DOT1L: variants seen among roughly 807,000 people sequenced by gnomAD.
DOT1L encodes histone-lysine N-methyltransferase, H3 lysine-79 specific.
DOT1L carries 33 observed loss-of-function variants against 153.3 expected under a neutral mutation model. That is an observed-to-expected ratio of 0.22 (90% CI 0.16 to 0.29). The LOEUF is 0.29. Ranked by LOEUF, DOT1L falls within the 10% of genes least tolerant of loss-of-function variation. DOT1L has a pLI of 1.00. For missense variants in DOT1L, 1,847 were observed against 2,119.9 expected, an observed-to-expected ratio of 0.87 and a Z score of 2.53; for synonymous variants, 1,135 against 965.1, an observed-to-expected ratio of 1.18 and a Z score of -3.26.
Position 2,222,073 on chromosome 19 carries a change from C to T in DOT1L, c.2904C>T (p.Ser968=). ...PGAEPATLDE[S]SSSGSLFATV... is the part of the protein sequence containing the mutation. ...CCGAGCCGGCCACCTTGGATGAGTC[C>T]TCCAGCTCTGGGAGCCTTTTTGCCA... The change falls in exon 24 of 28, where the codon TCC becomes TCT. Residue 968 remains serine, a synonymous_variant. Coordinates refer to ENST00000398665, the MANE Select transcript of DOT1L (RefSeq NM_032482.3). The surrounding 1 kb of genome is among the most constrained non-coding windows in gnomAD (Gnocchi z 6.5). The T allele has an allele frequency of 6.2e-7, 1 of 1,613,438 alleles. No individual in the cohort carries two copies. Among genetic ancestry groups the T allele is most frequent in the Non-Finnish European group, 8.5e-7 (1 of 1,179,916 alleles).
intron 19 of DOT1L, among the ~76,000 whole-genome samples, chr19:2,215,008 G>A (rs145355070): frequency 2.0e-5 from 3 of 152,290 alleles, no homozygotes; most frequent in African/African-American, 7.2e-5. Flanking sequence ...CTGAGGCTAG[G>A]AGTTGGAGAA....
chr19:2,169,735 C>T (rs1382074082), intron 1 of DOT1L, among the ~76,000 whole-genome samples: 1 of 152,222 alleles, frequency 6.6e-6, no homozygotes, highest in African/African-American at 2.4e-5. Context: ...AGCCTGTGCT[C>T]CCAGGTTGCA....
chr19:2,212,066 G>A, intron 16 of DOT1L: 2 of 537,558 alleles, frequency 3.7e-6, no homozygotes, highest in Non-Finnish European at 3.3e-6. Context: ...GGTTTTGCAA[G>A]ACCTGGTGTC....
At chr19:2,174,171 C>A (rs780092772) in intron 1 of DOT1L, among the ~76,000 whole-genome samples, 4 of 152,226 alleles carry the variant, frequency 2.6e-5, no homozygotes, top group Non-Finnish European at 5.9e-5. Context: ...CAGCTGAAGC[C>A]TTGTCAGCCA....
chr19:2,225,956 C>A (rs755551485), intron 26 of DOT1L, among the ~76,000 whole-genome samples: 9 of 152,206 alleles, frequency 5.9e-5, no homozygotes, highest in Non-Finnish European at 8.8e-5. Context: ...CAGTCCCGTC[C>A]CCTGCCATCT....
rs569211741 is a variant in DOT1L, at chr19:2,214,318, C to T, written c.1798-153C>T. 160 of 1,317,604 alleles carry T rather than the reference C, an allele frequency of 1.2e-4. No homozygotes were observed. The East Asian group carries it at 2.3e-3, about 19-fold the overall frequency. 81.6% of individuals were successfully genotyped at this position (1,317,604 alleles called of 1,614,324 possible). The stretch of plus-strand genomic sequence containing the variant: ...GGGGGGCCCCAGTCTCCGCGTGTTC[C>T]GCATCCTCAGCCTGCTATTCCAGAA... On this transcript the variant is annotated intron_variant, in intron 18 of 27. Transcript: ENST00000398665.
rs1451687150 is a variant in DOT1L, at chr19:2,191,255, C to T, written c.493+15C>T. The T allele has an allele frequency of 6.8e-6, 11 of 1,612,182 alleles. No individual in the cohort carries two copies. Among genetic ancestry groups the T allele is most frequent in the Non-Finnish European group, 9.3e-6 (11 of 1,178,990 alleles). ...CTTGGGGAGCGGTGAGTGTCGCCCG[C>T]CATGCCCGGCTCCTGTGCACTTCCA... is the stretch of plus-strand genomic sequence containing the variant. On this transcript the variant is annotated intron_variant, in intron 5 of 27. Coordinates refer to ENST00000398665, the MANE Select transcript of DOT1L (RefSeq NM_032482.3). This position sits in a 1 kb window ranked among gnomAD's most constrained non-coding sequence, Gnocchi z 6.8.
At chr19:2,166,862 G>A (rs867772660) in intron 1 of DOT1L, among the ~76,000 whole-genome samples, 2 of 152,110 alleles carry the variant, frequency 1.3e-5, no homozygotes, top group African/African-American at 2.4e-5. Context: ...TCCCTGCGGC[G>A]CCCCCATCCT....
chr19:2,200,959 GCATTCCTCGTCCTCCCCT>G (rs1568348288), intron 8 of DOT1L, among the ~76,000 whole-genome samples: 3 of 104,516 alleles, frequency 2.9e-5, no homozygotes, highest in South Asian at 3.4e-4. Context: ...CGTCCTCCCC[GCATTCCTCGTCCTCCCCT>G]CATTCCTCGT....
intron 12 of DOT1L, 68 bp from the exon 13 acceptor site, chr19:2,210,332 G>C: frequency 7.4e-7 from 1 of 1,352,850 alleles, no homozygotes; most frequent in South Asian, 1.5e-5. Context: ...AGCTCCGCGT[G>C]CCTCTCGGTG....
rs776805975 is a variant in DOT1L, at chr19:2,216,585, T to C, written c.2228T>C (p.Leu743Pro). 3.1e-6 allele frequency: 5 copies of C among 1,608,532 alleles called. No individual in the cohort carries two copies. Among genetic ancestry groups the C allele is most frequent in the Admixed American group, 1.7e-5 (1 of 60,024 alleles). ...QNTPQYLASP[L>P]DQEVVPCTPS... is the part of the protein sequence containing the mutation. Reference sequence around the variant, plus strand: ...ACGCCCCAGTACCTGGCCTCACCCCTGGACCAGGAGGTGGTGCCCTGTACC... The same window carrying C: ...ACGCCCCAGTACCTGGCCTCACCCCCGGACCAGGAGGTGGTGCCCTGTACC... Residue 743 changes from leucine to proline, a missense_variant, in exon 20 of 28, where the codon CTG (leucine) becomes CCG (proline). This residue lies in a region of DOT1L where 281 missense variants were observed against 263.6 expected (regional missense o/e 1.07). Transcript: ENST00000398665.
chr19:2,208,531 C>T lies in DOT1L; in HGVS notation c.964-404C>T, dbSNP rs539068775. On this transcript the variant is annotated intron_variant, in intron 11 of 27. Coordinates refer to ENST00000398665, the MANE Select transcript of DOT1L (RefSeq NM_032482.3). The surrounding 1 kb of genome is among the most constrained non-coding windows in gnomAD (Gnocchi z 4.4). ...TCTGGGGGCTTGGCCTACCGTGCGG[C>T]CCCCACCTCCACGCAGTGCTGCTGC... is the stretch of plus-strand genomic sequence containing the variant. Among the ~76,000 whole-genome samples the T allele has an allele frequency of 1.6e-4, 25 of 152,156 alleles. No homozygotes were observed. The highest frequency in any genetic ancestry group is 3.4e-4 in the Non-Finnish European group (23 of 68,020).
In DOT1L at chr19:2,216,009, T is replaced by G; in HGVS notation, c.1924-272T>G. 3 of 435,850 alleles carry G rather than the reference T, an allele frequency of 6.9e-6. No homozygotes were observed. In the South Asian group the frequency reaches 1.1e-4, roughly 16 times the overall value. The allele number at this position is 435,850 out of a possible 1,614,324, so 27.0% of individuals were successfully genotyped here. A position where few individuals can be genotyped will look rare whatever the true frequency, so the allele number is the denominator to read the frequency against. ...GGATGTTTTACACTTAGAGTCTATT[T>G]TGAGAGACGAGAGCTCTTTGTATCT... On this transcript the variant is annotated intron_variant, in intron 19 of 27. Transcript: ENST00000398665.
At position 2,216,626 on chromosome 19, in the gene DOT1L, C is replaced by T. The variant is rs374448963; in HGVS notation, c.2269C>T (p.Arg757Trp). The change falls in exon 20 of 28, where the codon CGG (arginine) becomes TGG (tryptophan). Residue 757 changes from arginine to tryptophan, a missense_variant. Transcript: ENST00000398665. Reference sequence around the variant, plus strand: ...GCCCTGTACCCCTAGCCACGTCGGCCGGCCGCGCCTGGAGAAGCTGTCTGG... The same window carrying T: ...GCCCTGTACCCCTAGCCACGTCGGCTGGCCGCGCCTGGAGAAGCTGTCTGG... ...VVPCTPSHVG[R>W]PRLEKLSGLA... is the part of the protein sequence containing the mutation. 37 of 1,605,884 alleles carry T rather than the reference C, an allele frequency of 2.3e-5. No individual in the cohort carries two copies. The Admixed American group carries it at 3.8e-4, about 17-fold the overall frequency.
At chr19:2,189,710 G>T in intron 3 of DOT1L, 22 bp from the exon 4 acceptor site, 1 of 1,608,448 alleles carries the variant, frequency 6.2e-7, no homozygotes. Context: ...GCATGACCAG[G>T]GCCTTCCCTT....
In DOT1L at chr19:2,193,087, T is replaced by G. The variant is rs2022867173; in HGVS notation, c.494-602T>G. 2.0e-5 allele frequency among the ~76,000 whole-genome samples: 3 copies of G among 152,206 alleles called. No individual in the cohort carries two copies. Among genetic ancestry groups the G allele is most frequent in the Admixed American group, 2.0e-4 (3 of 15,284 alleles). On this transcript the variant is annotated intron_variant, in intron 5 of 27. Transcript: ENST00000398665. The surrounding 1 kb of genome is among the most constrained non-coding windows in gnomAD (Gnocchi z 5.9). ...GTGTGCGCCGCTGCCTCCACCCTCC[T>G]GACGCTGGCGTATCTGCAGCCCCTG...
At chr19:2,194,130 A>G (rs2022914436) in intron 6 of DOT1L, among the ~76,000 whole-genome samples, 2 of 151,572 alleles carry the variant, frequency 1.3e-5, no homozygotes, top group Admixed American at 1.3e-4. Context: ...AGGCAGGCGC[A>G]TTGAGGCCCT....
intron 25 of DOT1L, among the ~76,000 whole-genome samples, chr19:2,224,542 A>G (rs1337035407): frequency 1.4e-5 from 2 of 143,088 alleles, no homozygotes; most frequent in Non-Finnish European, 3.0e-5. Context: ...ATCTCGGCTC[A>G]CTGACCCTCC....
At position 2,222,501 on chromosome 19, in the gene DOT1L, C is replaced by G. The variant is rs747259094; in HGVS notation, c.3332C>G (p.Pro1111Arg). Reference protein sequence around the residue: ...AGVSPKRRALPSVAGLFTQPS... With the variant: ...AGVSPKRRALRSVAGLFTQPS... ...GTGTCCCCCAAGCGCCGAGCCCTGC[C>G]GTCCGTCGCTGGCCTTTTCACACAG... Residue 1111 changes from proline (P) to arginine (R), a missense_variant, in exon 24 of 28, where the codon CCG (proline) becomes CGG (arginine). Physicochemically the swap from Pro to Arg is moderately radical, Grantham distance 103. This residue lies in a region of DOT1L where 934 missense variants were observed against 825.3 expected (regional missense o/e 1.13). Transcript: ENST00000398665. This position sits in a 1 kb window ranked among gnomAD's most constrained non-coding sequence, Gnocchi z 6.5. The G allele has an allele frequency of 6.3e-7, 1 of 1,583,346 alleles. No homozygotes were observed. Among genetic ancestry groups the G allele is most frequent in the Non-Finnish European group, 8.6e-7 (1 of 1,168,202 alleles).
Sources: gnomAD v4.1 joint callset for allele counts (sites outside exome capture counted in the v4.1 genomes callset) on GRCh38, gnomAD v4.1.1 for gene constraint, gnomAD v4.1.1 regional missense constraint, Gnocchi (gnomAD v3.1) non-coding constraint, MANE v1.5 for transcripts, NCBI Gene and HGNC (gene_info 2026-07-23, HGNC 2026-07-21) for gene names.